The following METTL15 variants were observed in gnomAD, a reference collection of about 807,000 sequenced individuals.
METTL15 encodes the protein 12S rRNA N(4)-cytidine methyltransferase METTL15.
Under a neutral mutation model 38.3 loss-of-function variants are expected in METTL15, and 34 were observed. The observed-to-expected ratio is 0.89, with a 90% CI of 0.68 to 1.18. The LOEUF is 1.18. Ranked by LOEUF, METTL15 falls within the 50% of genes most tolerant of loss-of-function variation. The pLI, the probability that METTL15 is intolerant of heterozygous loss-of-function variation, is 0.00. For synonymous variants in METTL15, 162 were observed against 170.9 expected, an observed-to-expected ratio of 0.95 and a Z score of 0.41; for missense variants, 438 against 498.4, an observed-to-expected ratio of 0.88 and a Z score of 1.15.
At chr11:28,285,184 C>G (rs1338532049) in intron 4 of METTL15, among the ~76,000 whole-genome samples, 2 of 152,124 alleles carry the variant, frequency 1.3e-5, no homozygotes, top group African/African-American at 4.8e-5. Context: ...TCAACTAAAT[C>G]TCTTTCCTTT....
intron 3 of METTL15, among the ~76,000 whole-genome samples, chr11:28,340,067 A>G (rs542340111): frequency 3.0e-3 from 459 of 152,262 alleles, no homozygotes; most frequent in Non-Finnish European, 5.5e-3. Context: ...CACTGAAATT[A>G]TGAAGCTGAA....
At chr11:28,312,270 T>A (rs954137015) in intron 6 of METTL15, among the ~76,000 whole-genome samples, 1 of 152,208 alleles carries the variant, frequency 6.6e-6, no homozygotes, top group African/African-American at 2.4e-5. Context: ...GCCCAATTAT[T>A]GTTATTCATT....
chr11:28,419,072 C>T lies in METTL15; in HGVS notation c.*359-5227C>T, dbSNP rs1479533644. ...TGGGGGAGCATGCGACCTAGTGAGA[C>T]ACCAGCCAAGGTAGCTAAAGAACTG... On this transcript the variant is annotated intron_variant and NMD_transcript_variant, in intron 5 of 7. Transcript: ENST00000532947. Among the ~76,000 whole-genome samples, 4 of 152,208 alleles carry T rather than the reference C, an allele frequency of 2.6e-5. No homozygotes were observed. In the East Asian group the frequency reaches 7.7e-4, roughly 29 times the overall value.
intron 5 of METTL15, among the ~76,000 whole-genome samples, chr11:28,419,995 A>C (rs1719418112): frequency 6.6e-6 from 1 of 152,166 alleles, no homozygotes; most frequent in African/African-American, 2.4e-5. Context: ...AAAAAGAATA[A>C]AAGAGAATGA....
chr11:28,248,038 T>TG (rs1216820539), intron 4 of METTL15, among the ~76,000 whole-genome samples: 1 of 152,098 alleles, frequency 6.6e-6, no homozygotes, highest in Admixed American at 6.6e-5. Flanking sequence ...TAAGAGTATT[T>TG]GGGGGAATAA....
chr11:28,398,484 A>T (rs1475465825), intron 5 of METTL15, among the ~76,000 whole-genome samples: 2 of 152,004 alleles, frequency 1.3e-5, no homozygotes, highest in Non-Finnish European at 2.9e-5. Flanking sequence ...TTCTTTTGAG[A>T]AGTGTCTGTT....
chr11:28,184,192 A>T (rs997265793), intron 3 of METTL15, among the ~76,000 whole-genome samples: 1 of 151,230 alleles, frequency 6.6e-6, no homozygotes, highest in African/African-American at 2.4e-5. Context: ...TGTTTTGTTG[A>T]TCTTTTCGAA....
In METTL15 at chr11:28,502,774, G is replaced by C. The variant is rs1490338317; in HGVS notation, c.*425-23704G>C. ...GTGGATACCTGCAAAGTAAGCTCAGGGTACATGATGGAATTGGGGGACGTG... is the reference window on the plus strand; with the variant it reads ...GTGGATACCTGCAAAGTAAGCTCAGCGTACATGATGGAATTGGGGGACGTG... On this transcript the variant is annotated intron_variant and NMD_transcript_variant, in intron 6 of 7. Transcript: ENST00000532947. Among the ~76,000 whole-genome samples, 3 of 152,092 alleles carry C rather than the reference G, an allele frequency of 2.0e-5. No individual in the cohort carries two copies. The East Asian group carries it at 5.8e-4, about 29-fold the overall frequency.
At chr11:28,155,013 G>A (rs1297610551) in intron 3 of METTL15, among the ~76,000 whole-genome samples, 1 of 152,052 alleles carries the variant, frequency 6.6e-6, no homozygotes, top group East Asian at 1.9e-4. Flanking sequence ...TTCTCCTAAT[G>A]GGATTTATTT....
At chr11:28,173,741 A>G (rs1413254481) in intron 3 of METTL15, among the ~76,000 whole-genome samples, 2 of 152,074 alleles carry the variant, frequency 1.3e-5, no homozygotes, top group African/African-American at 4.8e-5. Flanking sequence ...TTTAGTTGTC[A>G]TGTCCCTTTA....
chr11:28,486,808 G>T (rs961579870), intron 6 of METTL15, among the ~76,000 whole-genome samples: 13 of 152,186 alleles, frequency 8.5e-5, no homozygotes, highest in African/African-American at 3.1e-4. Flanking sequence ...CAGCCTGGAA[G>T]AATGCATGTG....
intron 3 of METTL15, among the ~76,000 whole-genome samples, chr11:28,187,063 A>T (rs527936716): frequency 6.6e-6 from 1 of 151,344 alleles, no homozygotes; most frequent in Non-Finnish European, 1.5e-5. Flanking sequence ...CCTTAAACAA[A>T]TCTTTCCTGG....
Position 28,115,070 on chromosome 11 carries a change from T to C in METTL15, c.270+1466T>C, listed in dbSNP as rs112934465. On this transcript the variant is annotated intron_variant, in intron 3 of 6. Transcript: ENST00000407364. ...TTTCAACTACCCTGAAGTATTAGAGTTCCCCAGAGAATCAAAACCAACAGA... is the reference window on the plus strand; with the variant it reads ...TTTCAACTACCCTGAAGTATTAGAGCTCCCCAGAGAATCAAAACCAACAGA... Among the ~76,000 whole-genome samples the C allele has an allele frequency of 3.3e-5, 5 of 152,196 alleles. 1 individual carries two copies. Among genetic ancestry groups the C allele is most frequent in the African/African-American group, 1.2e-4 (5 of 41,534 alleles).
At chr11:28,204,521 T>G (rs1003120042) in intron 3 of METTL15, among the ~76,000 whole-genome samples, 12 of 139,264 alleles carry the variant, frequency 8.6e-5, no homozygotes, top group Non-Finnish European at 1.7e-4. Flanking sequence ...TTAGACCAAG[T>G]AGGAAAACAT....
downstream of METTL15, among the ~76,000 whole-genome samples, chr11:28,334,947 AT>A (rs1329169931): frequency 6.6e-6 from 1 of 152,162 alleles, no homozygotes; most frequent in Non-Finnish European, 1.5e-5. Flanking sequence ...ATATTTCAAT[AT>A]GCACAGCAGG....
At chr11:28,265,523 T>C (rs1389101452) in intron 4 of METTL15, among the ~76,000 whole-genome samples, 1 of 152,012 alleles carries the variant, frequency 6.6e-6, no homozygotes, top group Non-Finnish European at 1.5e-5. Context: ...CAGTAGTATC[T>C]GGATGAGCAT....
rs1025124608 is a variant in METTL15, at chr11:28,272,779, A to T, written c.408-17427A>T. On this transcript the variant is annotated intron_variant, in intron 4 of 6. Coordinates refer to ENST00000407364, the MANE Select transcript of METTL15 (RefSeq NM_001113528.2). ...CTGAATCAGGTTCATCACAGAGGGG[A>T]GTGCAAACCCATGCCCTGAATCAAC... 7.2e-5 allele frequency among the ~76,000 whole-genome samples: 11 copies of T among 152,292 alleles called. No homozygotes were observed. The South Asian group carries it at 2.1e-3, about 29-fold the overall frequency.
chr11:28,473,983 A>G (rs377578513), intron 6 of METTL15, among the ~76,000 whole-genome samples: 4 of 151,882 alleles, frequency 2.6e-5, no homozygotes, highest in African/African-American at 9.7e-5. Context: ...TCATGCTTCT[A>G]TTCTACCTCT....
At chr11:28,521,804 C>A (rs1050957688) in intron 6 of METTL15, among the ~76,000 whole-genome samples, 1 of 152,108 alleles carries the variant, frequency 6.6e-6, no homozygotes, top group Non-Finnish European at 1.5e-5. Context: ...TTCTTTGCCC[C>A]ACTCTTGCTG....
Sources: allele counts gnomAD v4.1 joint callset (sites outside exome capture counted in the v4.1 genomes callset), GRCh38; gene constraint gnomAD v4.1.1; transcripts MANE v1.5; gene names NCBI Gene and HGNC (gene_info 2026-07-23, HGNC 2026-07-21).